The following ZNF385D variants were observed in gnomAD, a reference collection of about 807,000 sequenced individuals.
The protein encoded by ZNF385D is zinc finger protein 659.
Under a neutral mutation model 35.8 loss-of-function variants are expected in ZNF385D, and 15 were observed. That is an observed-to-expected ratio of 0.42 (90% CI 0.28 to 0.64). ZNF385D has a LOEUF of 0.64. ZNF385D is among the 30% of genes least tolerant of loss of function. The pLI is 0.23. For missense variants in ZNF385D, 474 were observed against 494.6 expected, an observed-to-expected ratio of 0.96 and a Z score of 0.39; for synonymous variants, 212 against 186.8, an observed-to-expected ratio of 1.13 and a Z score of -1.10.
At chr3:21,888,177 GT>G (rs1178787116) in intron 3 of ZNF385D, among the ~76,000 whole-genome samples, 1 of 151,776 alleles carries the variant, frequency 6.6e-6, no homozygotes, top group Non-Finnish European at 1.5e-5. Context: ...AAGTATAACA[GT>G]TCAAAATTGT....
At chr3:21,943,707 C>T (rs1575974183) in intron 3 of ZNF385D, among the ~76,000 whole-genome samples, 2 of 152,102 alleles carry the variant, frequency 1.3e-5, no homozygotes, top group East Asian at 3.9e-4. Context: ...TTTTCTCAAC[C>T]AAAGTGAGAG....
chr3:21,658,793 G>A (rs1046725182), intron 2 of ZNF385D, among the ~76,000 whole-genome samples: 1 of 151,950 alleles, frequency 6.6e-6, no homozygotes, highest in African/African-American at 2.4e-5. Context: ...AACTCAGGTA[G>A]CATTTACTTT....
At chr3:21,585,639 A>C (rs951875469) in intron 2 of ZNF385D, among the ~76,000 whole-genome samples, 10 of 152,196 alleles carry the variant, frequency 6.6e-5, no homozygotes, top group African/African-American at 2.2e-4. Context: ...CTCTTAAGAA[A>C]AACAAATCGT....
At chr3:22,159,341 C>G (rs1415140785) in intron 3 of ZNF385D, among the ~76,000 whole-genome samples, 1 of 151,990 alleles carries the variant, frequency 6.6e-6, no homozygotes, top group East Asian at 1.9e-4. Flanking sequence ...TTTGGCTTCA[C>G]TTAATTTTCA....
chr3:21,499,476 T>A (rs1706205587), intron 4 of ZNF385D, among the ~76,000 whole-genome samples: 1 of 152,006 alleles, frequency 6.6e-6, no homozygotes, highest in East Asian at 1.9e-4. Context: ...CAGGGCCTAT[T>A]TGAGATTGGA....
chr3:22,021,668 T>C (rs752781859), intron 3 of ZNF385D, among the ~76,000 whole-genome samples: 41 of 152,092 alleles, frequency 2.7e-4, no homozygotes, highest in Non-Finnish European at 4.9e-4. Context: ...AAAAATTTTT[T>C]TGAGAAGCTC....
intron 3 of ZNF385D, among the ~76,000 whole-genome samples, chr3:21,938,365 C>T (rs560214377): frequency 6.6e-6 from 1 of 152,250 alleles, no homozygotes; most frequent in Non-Finnish European, 1.5e-5. Flanking sequence ...AGCCTGAATG[C>T]ACCTCCTGTA....
chr3:21,952,536 T>C (rs1300529074), intron 3 of ZNF385D, among the ~76,000 whole-genome samples: 1 of 151,976 alleles, frequency 6.6e-6, no homozygotes, highest in Non-Finnish European at 1.5e-5. Context: ...ATGTCATTAC[T>C]TACTTGATGA....
At chr3:21,816,741 T>A (rs932600290) in intron 3 of ZNF385D, among the ~76,000 whole-genome samples, 2 of 152,128 alleles carry the variant, frequency 1.3e-5, no homozygotes, top group Non-Finnish European at 2.9e-5. Context: ...ATCAATATCA[T>A]GAAAATGGCC....
intron 2 of ZNF385D, among the ~76,000 whole-genome samples, chr3:22,329,443 C>T (rs1032305913): frequency 6.6e-6 from 1 of 152,096 alleles, no homozygotes; most frequent in Non-Finnish European, 1.5e-5. Flanking sequence ...TAAAATTGTT[C>T]TCTTTATACC....
intron 2 of ZNF385D, among the ~76,000 whole-genome samples, chr3:22,302,645 G>A (rs1702966430): frequency 6.6e-6 from 1 of 151,774 alleles, no homozygotes; most frequent in South Asian, 2.1e-4. Context: ...GCTTTGTTGG[G>A]CTTTTAATGG....
intron 3 of ZNF385D, among the ~76,000 whole-genome samples, chr3:21,781,255 AAAT>A (rs1012929925): frequency 1.3e-5 from 2 of 152,122 alleles, no homozygotes; most frequent in African/African-American, 4.8e-5. Context: ...AGGAAAGAAA[AAAT>A]AATATTTTCA....
intron 2 of ZNF385D, among the ~76,000 whole-genome samples, chr3:22,307,231 A>C (rs1450640603): frequency 2.0e-5 from 3 of 152,126 alleles, no homozygotes; most frequent in Non-Finnish European, 4.4e-5. Flanking sequence ...TTTGAGAGTC[A>C]GTTTAATTGG....
intron 3 of ZNF385D, among the ~76,000 whole-genome samples, chr3:22,121,689 A>T (rs868406195): frequency 1.9e-3 from 257 of 136,344 alleles, no homozygotes; most frequent in Middle Eastern, 0.018. Context: ...TTTTTTTTTT[A>T]AATAATGACA....
intron 3 of ZNF385D, among the ~76,000 whole-genome samples, chr3:21,825,332 C>T (rs1378446644): frequency 1.3e-5 from 2 of 152,196 alleles, no homozygotes; most frequent in Non-Finnish European, 2.9e-5. Flanking sequence ...CCAGAACTAT[C>T]TGTCACTTGA....
At chr3:22,283,081 G>A (rs1342422523) in intron 2 of ZNF385D, among the ~76,000 whole-genome samples, 2 of 151,944 alleles carry the variant, frequency 1.3e-5, no homozygotes, top group Non-Finnish European at 2.9e-5. Context: ...AGTTAAAAAA[G>A]ACAAAGAGGG....
intron 3 of ZNF385D, among the ~76,000 whole-genome samples, chr3:21,560,977 A>G (rs1392873938): frequency 6.6e-6 from 1 of 152,064 alleles, no homozygotes; most frequent in Non-Finnish European, 1.5e-5. Flanking sequence ...AGCTTCAGCA[A>G]TGGTGGACAC....
intron 3 of ZNF385D, among the ~76,000 whole-genome samples, chr3:21,934,693 G>C (rs972463772): frequency 6.6e-6 from 1 of 152,178 alleles, no homozygotes; most frequent in Non-Finnish European, 1.5e-5. Context: ...TACAATGAGA[G>C]AGTTCAGGTT....
chr3:22,194,984 G>A (rs1475890524), intron 2 of ZNF385D, among the ~76,000 whole-genome samples: 1 of 151,578 alleles, frequency 6.6e-6, no homozygotes, highest in Non-Finnish European at 1.5e-5. Flanking sequence ...TATTTATCTA[G>A]AATAAATACC....
Sources: gnomAD v4.1 joint callset for allele counts (sites outside exome capture counted in the v4.1 genomes callset) on GRCh38, gnomAD v4.1.1 for gene constraint, MANE v1.5 for transcripts, NCBI Gene and HGNC (gene_info 2026-07-23, HGNC 2026-07-21) for gene names.